The following KHDRBS2 variants were observed in gnomAD, a reference collection of about 807,000 sequenced individuals.
KHDRBS2 encodes the protein KH RNA binding domain containing, signal transduction associated 2, also known as KH domain-containing, RNA-binding, signal transduction-associated protein 2.
Under a neutral mutation model 44.3 loss-of-function variants are expected in KHDRBS2, and 26 were observed. The ratio of observed to expected loss-of-function variants is 0.59; its 90% confidence interval spans 0.43 to 0.81. KHDRBS2 has a LOEUF of 0.81. Among genes scored for constraint, KHDRBS2 ranks in the 40% least tolerant of loss-of-function variants. The probability of loss-of-function intolerance (pLI) is 0.00; values close to 1 mark genes in which losing one functional copy is unlikely to be tolerated. For missense variants in KHDRBS2, 476 were observed against 433.1 expected (o/e 1.10, Z -0.88); for synonymous variants, 194 against 151.1 (o/e 1.28, Z -2.08).
At chr6:61,776,290 T>C (rs1235047011) in intron 6 of KHDRBS2, among the ~76,000 whole-genome samples, 2 of 151,956 alleles carry the variant, frequency 1.3e-5, no homozygotes, top group Non-Finnish European at 2.9e-5. Context: ...AATTGACAAA[T>C]GGGATCTAAT....
the KHDRBS2 span, among the ~76,000 whole-genome samples, chr6:61,624,401 T>C: frequency 2.6e-5 from 4 of 152,216 alleles, no homozygotes; most frequent in African/African-American, 9.6e-5. Flanking sequence ...TCAAGTACAT[T>C]GGTGTTGTTC....
chr6:61,604,388 CCTT>C, the KHDRBS2 span, among the ~76,000 whole-genome samples: 1 of 152,126 alleles, frequency 6.6e-6, no homozygotes, highest in Non-Finnish European at 1.5e-5. Flanking sequence ...CAGTTTTTCT[CCTT>C]CTCATCTGGT....
At chr6:61,893,912 A>T (rs1337446091) in intron 6 of KHDRBS2, among the ~76,000 whole-genome samples, 6 of 150,526 alleles carry the variant, frequency 4.0e-5, no homozygotes, top group Non-Finnish European at 8.8e-5. Context: ...AAAAAAAAAA[A>T]CATTTACAGA....
At chr6:61,698,118 T>G (rs796269309) in intron 7 of KHDRBS2, among the ~76,000 whole-genome samples, 13 of 152,296 alleles carry the variant, frequency 8.5e-5, no homozygotes, top group African/African-American at 3.1e-4. Flanking sequence ...ATTTTCACAT[T>G]CAATGGTCAA....
chr6:62,105,201 T>G (rs1387705344), intron 2 of KHDRBS2, among the ~76,000 whole-genome samples: 2 of 152,144 alleles, frequency 1.3e-5, no homozygotes, highest in Non-Finnish European at 2.9e-5. Flanking sequence ...ACACTTAAAA[T>G]AGAAGTAATG....
chr6:62,194,673 A>T (rs1272740705), intron 1 of KHDRBS2, among the ~76,000 whole-genome samples: 4 of 149,642 alleles, frequency 2.7e-5, no homozygotes, highest in Non-Finnish European at 4.4e-5. Flanking sequence ...CACCCAGCTA[A>T]CTTTTGTATT....
intron 8 of KHDRBS2, among the ~76,000 whole-genome samples, chr6:61,696,163 T>A (rs1348523778): frequency 6.6e-6 from 1 of 152,068 alleles, no homozygotes; most frequent in Non-Finnish European, 1.5e-5. Flanking sequence ...ATTATTTTAA[T>A]AAAAATTCAA....
intron 3 of KHDRBS2, among the ~76,000 whole-genome samples, chr6:61,995,742 G>T (rs1472515141): frequency 2.0e-5 from 3 of 151,476 alleles, no homozygotes; most frequent in Non-Finnish European, 4.4e-5. Flanking sequence ...ATATGAGGAG[G>T]GTAATTAGCA....
At chr6:61,986,313 C>G (rs925978094) in intron 3 of KHDRBS2, among the ~76,000 whole-genome samples, 6 of 152,152 alleles carry the variant, frequency 3.9e-5, no homozygotes, top group Admixed American at 2.6e-4. Flanking sequence ...TGAAAATGGT[C>G]TGCCCTATGC....
intron 2 of KHDRBS2, among the ~76,000 whole-genome samples, chr6:62,121,290 T>C (rs1807571339): frequency 6.6e-6 from 1 of 152,108 alleles, no homozygotes; most frequent in Admixed American, 6.5e-5. Context: ...AAAAACAACA[T>C]TCCATCCCTG....
Position 61,997,400 on chromosome 6 carries a change from T to C in KHDRBS2, c.337-19188A>G, listed in dbSNP as rs138641345. Among the ~76,000 whole-genome samples the C allele has an allele frequency of 1.0e-3, 156 of 152,312 alleles. 1 individual carries two copies. Among genetic ancestry groups the C allele is most frequent in the African/African-American group, 3.5e-3 (147 of 41,576 alleles). ...TAGGATTGTCACATGTATTGCTGGA[T>C]GCTCGTAAGTAGTATCACTGATATT... On this transcript the variant is annotated intron_variant, in intron 3 of 8. Coordinates refer to ENST00000281156, the MANE Select transcript of KHDRBS2 (RefSeq NM_152688.4).
chr6:61,900,270 G>A (rs1803731524), intron 5 of KHDRBS2, among the ~76,000 whole-genome samples: 1 of 151,996 alleles, frequency 6.6e-6, no homozygotes, highest in South Asian at 2.1e-4. Context: ...CAGTGGCTAT[G>A]TTGATAGTGG....
chr6:61,994,157 T>A (rs1439913365), intron 3 of KHDRBS2, among the ~76,000 whole-genome samples: 1 of 152,216 alleles, frequency 6.6e-6, no homozygotes, highest in Admixed American at 6.5e-5. Flanking sequence ...ATTACAATTT[T>A]CCTAATCTCA....
chr6:61,752,574 A>G lies in KHDRBS2; in HGVS notation c.811-19810T>C, dbSNP rs184694696. On this transcript the variant is annotated intron_variant, in intron 6 of 8. Coordinates refer to ENST00000281156, the MANE Select transcript of KHDRBS2 (RefSeq NM_152688.4). Reference sequence around the variant, plus strand: ...TTCTTCTAGTATTTTAATTTTCATTATAGACTTTAACAAGCTAAAAACCTA... The same window carrying G: ...TTCTTCTAGTATTTTAATTTTCATTGTAGACTTTAACAAGCTAAAAACCTA... Among the ~76,000 whole-genome samples, 121 of 151,284 alleles carry G rather than the reference A, an allele frequency of 8.0e-4. 1 individual carries two copies. Among genetic ancestry groups the G allele is most frequent in the Non-Finnish European group, 1.5e-3 (105 of 67,796 alleles).
chr6:61,789,847 T>C (rs1784366277), intron 6 of KHDRBS2, among the ~76,000 whole-genome samples: 3 of 151,450 alleles, frequency 2.0e-5, no homozygotes. Flanking sequence ...CACCTAATCC[T>C]CACAAAAATC....
chr6:62,170,652 A>G (rs557462646), intron 2 of KHDRBS2, among the ~76,000 whole-genome samples: 148 of 152,272 alleles, frequency 9.7e-4, no homozygotes, highest in African/African-American at 3.5e-3. Flanking sequence ...GCACATGAGA[A>G]CAACCATGGA....
At chr6:62,136,250 G>A (rs1394428089) in intron 2 of KHDRBS2, among the ~76,000 whole-genome samples, 1 of 152,128 alleles carries the variant, frequency 6.6e-6, no homozygotes, top group African/African-American at 2.4e-5. Flanking sequence ...AACAACTCAT[G>A]GAATTTGGTC....
intron 3 of KHDRBS2, among the ~76,000 whole-genome samples, chr6:62,001,971 A>G (rs1251223688): frequency 6.6e-6 from 1 of 152,168 alleles, no homozygotes; most frequent in Admixed American, 6.6e-5. Context: ...AGTAGATCAA[A>G]GGGAAAATTA....
At chr6:61,953,375 A>G (rs1167398245) in intron 4 of KHDRBS2, among the ~76,000 whole-genome samples, 1 of 152,080 alleles carries the variant, frequency 6.6e-6, no homozygotes, top group Non-Finnish European at 1.5e-5. Context: ...CTAGAAAAAT[A>G]AGGATTGGAA....
Sources: gnomAD v4.1 joint callset for allele counts (sites outside exome capture counted in the v4.1 genomes callset) on GRCh38, gnomAD v4.1.1 for gene constraint, MANE v1.5 for transcripts, NCBI Gene and HGNC (gene_info 2026-07-23, HGNC 2026-07-21) for gene names.